The following IFT88 variants were observed in gnomAD, a reference collection of about 807,000 sequenced individuals.
IFT88 encodes the protein intraflagellar transport protein 88 homolog.
IFT88 carries 74 observed loss-of-function variants against 119.5 expected under a neutral mutation model. That is an observed-to-expected ratio of 0.62 (90% CI 0.51 to 0.75). The LOEUF is 0.75. Ranked by LOEUF, IFT88 falls within the 30% of genes least tolerant of loss-of-function variation. IFT88 has a pLI of 0.00. For missense variants in IFT88, 961 were observed against 977.7 expected (o/e 0.98, Z 0.23); for synonymous variants, 279 against 316.7 (o/e 0.88, Z 1.26).
chr13:20,656,357 G>T lies in IFT88; in HGVS notation c.2003-8G>T. On this transcript the variant is annotated splice_polypyrimidine_tract_variant and splice_region_variant and intron_variant, in intron 21 of 25. Transcript: ENST00000351808. ...TTGCTAATATATTTTTCTCTTGTTT[G>T]TTTATAGGTAACTACCAAAAAGCAT... 7.6e-7 allele frequency: 1 copy of T among 1,317,368 alleles called. No individual in the cohort carries two copies. The highest frequency in any genetic ancestry group is 1.1e-6 in the Non-Finnish European group (1 of 950,316). The allele number at this position is 1,317,368 out of a possible 1,614,324, so 81.6% of individuals were successfully genotyped here. A position where few individuals can be genotyped will look rare whatever the true frequency, so the allele number is the denominator to read the frequency against.
At chr13:20,635,673 A>G (rs991790467) in intron 16 of IFT88, among the ~76,000 whole-genome samples, 30 of 152,274 alleles carry the variant, frequency 2.0e-4, no homozygotes, top group African/African-American at 5.8e-4. Flanking sequence ...GAGTTGAACA[A>G]TGAGAACACA....
chr13:20,676,882 A>G (rs918679564), intron 24 of IFT88, among the ~76,000 whole-genome samples: 10 of 152,240 alleles, frequency 6.6e-5, no homozygotes, highest in Non-Finnish European at 1.3e-4. Flanking sequence ...GCATGCATAT[A>G]TCCTATCTGT....
intron 24 of IFT88, among the ~76,000 whole-genome samples, chr13:20,680,625 G>C (rs1285612533): frequency 6.6e-6 from 1 of 152,140 alleles, no homozygotes; most frequent in Non-Finnish European, 1.5e-5. Flanking sequence ...TGGCCCCAGG[G>C]GGGTGGCTGT....
intron 16 of IFT88, among the ~76,000 whole-genome samples, chr13:20,635,507 T>A (rs2048892824): frequency 6.6e-6 from 1 of 152,320 alleles, no homozygotes; most frequent in East Asian, 1.9e-4. Flanking sequence ...TATTCCTTGA[T>A]TAGGGCCCAG....
At chr13:20,590,324 G>A (rs2040442358) in intron 4 of IFT88, among the ~76,000 whole-genome samples, 1 of 152,054 alleles carries the variant, frequency 6.6e-6, no homozygotes, top group South Asian at 2.1e-4. Flanking sequence ...CTCTATAAAA[G>A]TTATAAACTT....
chr13:20,623,869 G>T (rs1268529994), intron 14 of IFT88, among the ~76,000 whole-genome samples: 1 of 152,114 alleles, frequency 6.6e-6, no homozygotes, highest in African/African-American at 2.4e-5. Context: ...TTATTCCTAA[G>T]TATTGTATTC....
chr13:20,676,944 C>T (rs61955701), intron 24 of IFT88, among the ~76,000 whole-genome samples: 3,925 of 152,156 alleles, frequency 0.026, 77 homozygotes, highest in Non-Finnish European at 0.038. Context: ...TACATACAAA[C>T]ACACATTTTA....
At chr13:20,645,021 G>C in intron 20 of IFT88, 63 bp downstream of exon 20, 1 of 736,368 alleles carries the variant, frequency 1.4e-6, no homozygotes, top group South Asian at 1.8e-5. Context: ...TTAATCCCTA[G>C]AATTAGTATC....
intron 13 of IFT88, among the ~76,000 whole-genome samples, chr13:20,613,543 A>T (rs188823372): frequency 6.6e-6 from 1 of 152,178 alleles, no homozygotes; most frequent in Non-Finnish European, 1.5e-5. Context: ...TTAAGCATAG[A>T]CTTACCATAT....
At chr13:20,635,285 G>A (rs2048846898) in intron 16 of IFT88, among the ~76,000 whole-genome samples, 1 of 152,074 alleles carries the variant, frequency 6.6e-6, no homozygotes, top group East Asian at 1.9e-4. Flanking sequence ...ATTCACAATA[G>A]CAAGGACTTG....
chr13:20,626,968 A>G (rs2047439273), intron 15 of IFT88, among the ~76,000 whole-genome samples: 1 of 152,196 alleles, frequency 6.6e-6, no homozygotes, highest in Non-Finnish European at 1.5e-5. Context: ...CTTCCTATTT[A>G]GAGAACTTTT....
In IFT88 at chr13:20,620,506, G is replaced by A. The variant is rs538989611; in HGVS notation, c.1199+4627G>A. 2.6e-5 allele frequency among the ~76,000 whole-genome samples: 4 copies of A among 152,304 alleles called. No individual in the cohort carries two copies. The South Asian group carries it at 8.3e-4, about 32-fold the overall frequency. On this transcript the variant is annotated intron_variant, in intron 14 of 25. Transcript: ENST00000351808. The stretch of plus-strand genomic sequence containing the variant: ...CATATGTTGAAACCTAACCCCCAAG[G>A]TGGTAGTATTAGGAGGTCGTCCTTT...
At chr13:20,662,047 G>A (rs2053895345) in intron 22 of IFT88, among the ~76,000 whole-genome samples, 1 of 152,146 alleles carries the variant, frequency 6.6e-6, no homozygotes, top group Admixed American at 6.5e-5. Flanking sequence ...TGTTGTTGGT[G>A]GATGATGTCG....
chr13:20,625,508 G>T (rs1594352322), intron 14 of IFT88, among the ~76,000 whole-genome samples: 1 of 152,150 alleles, frequency 6.6e-6, no homozygotes, highest in African/African-American at 2.4e-5. Context: ...GTAGGTATCA[G>T]TCCAATTTTT....
At chr13:20,586,693 A>T (rs1229230984) in intron 3 of IFT88, among the ~76,000 whole-genome samples, 3 of 152,236 alleles carry the variant, frequency 2.0e-5, no homozygotes, top group African/African-American at 7.2e-5. Context: ...GTTGGTTCTC[A>T]TGGAAGAAGT....
chr13:20,676,922 C>T (rs984151052), intron 24 of IFT88, among the ~76,000 whole-genome samples: 20 of 152,008 alleles, frequency 1.3e-4, no homozygotes, highest in African/African-American at 3.9e-4. Flanking sequence ...TTTATATATA[C>T]GTGTGTGCTC....
At chr13:20,689,153 C>T (rs767442810) in intron 24 of IFT88, among the ~76,000 whole-genome samples, 9 of 152,102 alleles carry the variant, frequency 5.9e-5, no homozygotes, top group East Asian at 1.9e-4. Flanking sequence ...AGTCTGGCCC[C>T]GAGCTCCTGA....
At chr13:20,568,200 C>CACA (rs2035349167) in intron 1 of IFT88, among the ~76,000 whole-genome samples, 1 of 151,880 alleles carries the variant, frequency 6.6e-6, no homozygotes, top group African/African-American at 2.4e-5. Flanking sequence ...AAGGTTTTGC[C>CACA]AGCATTTGAT....
At chr13:20,581,134 A>G (rs1462778645) in intron 2 of IFT88, among the ~76,000 whole-genome samples, 1 of 152,204 alleles carries the variant, frequency 6.6e-6, no homozygotes, top group Non-Finnish European at 1.5e-5. Flanking sequence ...AGACCCAAAA[A>G]TAAATTAGAC....
Sources: gnomAD v4.1 joint callset for allele counts (sites outside exome capture counted in the v4.1 genomes callset) on GRCh38, gnomAD v4.1.1 for gene constraint, MANE v1.5 for transcripts, NCBI Gene and HGNC (gene_info 2026-07-23, HGNC 2026-07-21) for gene names.